CNTN4: variants seen among roughly 807,000 people sequenced by gnomAD.
CNTN4 encodes the protein contactin-4.
In CNTN4, 77 loss-of-function variants were observed where a neutral mutation model predicts 122.5. That is an observed-to-expected ratio of 0.63 (90% CI 0.52 to 0.76). The LOEUF is 0.76. Ranked by LOEUF, CNTN4 falls within the 30% of genes least tolerant of loss-of-function variation. The pLI is 0.00. For missense variants in CNTN4, 1,256 were observed against 1,259.1 expected, an observed-to-expected ratio of 1.00 and a Z score of 0.04; for synonymous variants, 512 against 447.0, an observed-to-expected ratio of 1.15 and a Z score of -1.83.
chr3:2,797,138 T>C (rs115279339), intron 6 of CNTN4, among the ~76,000 whole-genome samples: 8,205 of 152,230 alleles, frequency 0.054, 262 homozygotes, highest in Non-Finnish European at 0.07. Flanking sequence ...GTAGCTAGAA[T>C]TATAGGTGTG....
chr3:2,979,994 A>G (rs1448316681), intron 13 of CNTN4, among the ~76,000 whole-genome samples: 1 of 152,186 alleles, frequency 6.6e-6, no homozygotes, highest in Non-Finnish European at 1.5e-5. Context: ...GTGTTACTAA[A>G]GACCCCCCCA....
intron 4 of CNTN4, among the ~76,000 whole-genome samples, chr3:2,701,507 T>A (rs1478087479): frequency 1.3e-5 from 2 of 152,186 alleles, no homozygotes; most frequent in African/African-American, 4.8e-5. Flanking sequence ...TTCAGAAGGT[T>A]CTGAAGATCC....
At chr3:2,350,814 T>C (rs1001440869) in intron 3 of CNTN4, among the ~76,000 whole-genome samples, 26 of 151,758 alleles carry the variant, frequency 1.7e-4, no homozygotes, top group African/African-American at 6.1e-4. Context: ...CAAAGGAAAA[T>C]GGGGAGCAAA....
chr3:3,050,240 C>T (rs555251886), intron 23 of CNTN4, among the ~76,000 whole-genome samples: 1 of 152,054 alleles, frequency 6.6e-6, no homozygotes, highest in Non-Finnish European at 1.5e-5. Context: ...GTAGAACCCA[C>T]AAATTTTTAA....
intron 4 of CNTN4, among the ~76,000 whole-genome samples, chr3:2,664,412 T>TG (rs2084048702): frequency 7.1e-6 from 1 of 140,630 alleles, no homozygotes; most frequent in Non-Finnish European, 1.5e-5. Flanking sequence ...TCATCACCTA[T>TG]ATTTTTTTTC....
At chr3:2,970,259 C>T (rs1948667) in intron 13 of CNTN4, among the ~76,000 whole-genome samples, 54,408 of 151,462 alleles carry the variant, frequency 0.36, 10,333 homozygotes, top group African/African-American at 0.5. Flanking sequence ...CACACCCGGC[C>T]GATTCTTTCA....
chr3:2,899,364 A>G (rs558490144), intron 10 of CNTN4, among the ~76,000 whole-genome samples: 1 of 152,352 alleles, frequency 6.6e-6, no homozygotes, highest in South Asian at 2.1e-4. Context: ...AATGAGTAGC[A>G]TCTCCTAATT....
At chr3:2,507,797 A>G (rs944333507) in intron 3 of CNTN4, among the ~76,000 whole-genome samples, 2 of 151,422 alleles carry the variant, frequency 1.3e-5, no homozygotes, top group African/African-American at 2.4e-5. Context: ...AGCCATTAAA[A>G]TAAGGATAAG....
intron 2 of CNTN4, among the ~76,000 whole-genome samples, chr3:2,210,401 A>G (rs1442903605): frequency 6.6e-6 from 1 of 152,168 alleles, no homozygotes; most frequent in Non-Finnish European, 1.5e-5. Flanking sequence ...ATGTAGTCCA[A>G]GGTTCCGGCA....
chr3:2,962,363 G>A (rs1010484734), intron 13 of CNTN4, among the ~76,000 whole-genome samples: 1 of 152,168 alleles, frequency 6.6e-6, no homozygotes, highest in African/African-American at 2.4e-5. Context: ...TCTGTCCCCA[G>A]GTTCACCAAA....
chr3:2,939,366 T>G (rs763036953), intron 13 of CNTN4, among the ~76,000 whole-genome samples: 78 of 152,008 alleles, frequency 5.1e-4, no homozygotes, highest in Non-Finnish European at 1.1e-3. Context: ...TAGGTGTGTG[T>G]GGGTGTGTGT....
intron 4 of CNTN4, among the ~76,000 whole-genome samples, chr3:2,631,865 C>CCAAAA (rs2082443903): frequency 1.4e-5 from 1 of 70,194 alleles, no homozygotes; most frequent in African/African-American, 5.3e-5. Context: ...CGTATCTCTA[C>CCAAAA]AAAAAAAAAA....
At chr3:2,968,792 C>T (rs1024033389) in intron 13 of CNTN4, among the ~76,000 whole-genome samples, 1 of 152,104 alleles carries the variant, frequency 6.6e-6, no homozygotes, top group Non-Finnish European at 1.5e-5. Context: ...AGGATGGGCA[C>T]CCATGTTGAC....
chr3:2,852,080 C>A (rs968382628), intron 7 of CNTN4, among the ~76,000 whole-genome samples: 16 of 152,252 alleles, frequency 1.1e-4, no homozygotes, highest in African/African-American at 3.4e-4. Context: ...CTTCCCAGAT[C>A]TCAGTTTTTT....
At chr3:2,721,574 T>TGTGTG (rs2087855324) in intron 4 of CNTN4, among the ~76,000 whole-genome samples, 1 of 152,168 alleles carries the variant, frequency 6.6e-6, no homozygotes, top group Non-Finnish European at 1.5e-5. Context: ...GCTGTGTGCA[T>TGTGTG]ATGTGAGTGT....
intron 4 of CNTN4, among the ~76,000 whole-genome samples, chr3:2,611,306 AAAAAAAG>A (rs1168021504): frequency 1.3e-5 from 2 of 148,906 alleles, no homozygotes; most frequent in Admixed American, 6.7e-5. Context: ...CCAAAAAAAA[AAAAAAAG>A]AAAGAAAGAA....
chr3:2,277,077 A>G (rs1293504187), intron 2 of CNTN4, among the ~76,000 whole-genome samples: 1 of 152,174 alleles, frequency 6.6e-6, no homozygotes, highest in Non-Finnish European at 1.5e-5. Flanking sequence ...TATTTGGTAA[A>G]AATACACCAA....
At chr3:2,236,989 G>A (rs1215753574) in intron 2 of CNTN4, among the ~76,000 whole-genome samples, 2 of 152,180 alleles carry the variant, frequency 1.3e-5, no homozygotes, top group African/African-American at 4.8e-5. Flanking sequence ...GGACTGCAGA[G>A]AGCAAGATGG....
intron 3 of CNTN4, among the ~76,000 whole-genome samples, chr3:2,569,415 C>T (rs2079322172): frequency 6.6e-6 from 1 of 152,128 alleles, no homozygotes; most frequent in Non-Finnish European, 1.5e-5. Flanking sequence ...TGAGAAACTT[C>T]AGGTTATTTT....
Sources: gnomAD v4.1 joint callset for allele counts (sites outside exome capture counted in the v4.1 genomes callset) on GRCh38, gnomAD v4.1.1 for gene constraint, MANE v1.5 for transcripts, NCBI Gene and HGNC (gene_info 2026-07-23, HGNC 2026-07-21) for gene names.